NHP2: variants seen among roughly 807,000 people sequenced by gnomAD.
The protein encoded by NHP2 is H/ACA ribonucleoprotein complex subunit 2.
Under a neutral mutation model 16.7 loss-of-function variants are expected in NHP2, and 10 were observed. The observed-to-expected ratio is 0.60, with a 90% CI of 0.37 to 1.01. The LOEUF (loss-of-function observed/expected upper bound fraction) is 1.01, where lower values mean the gene tolerates loss of function less well. Among genes scored for constraint, NHP2 ranks in the 50% least tolerant of loss-of-function variants. NHP2 has a pLI of 0.01. For synonymous variants in NHP2, 87 were observed against 78.9 expected, an observed-to-expected ratio of 1.10 and a Z score of -0.54; for missense variants, 184 against 198.3, an observed-to-expected ratio of 0.93 and a Z score of 0.43.
At chr5:178,151,660 C>G (rs1029315760) in intron 2 of NHP2, among the ~76,000 whole-genome samples, 2 of 152,148 alleles carry the variant, frequency 1.3e-5, no homozygotes, top group African/African-American at 4.8e-5. Flanking sequence ...TTCTGTTAAG[C>G]GCCTTTCACT....
Position 178,149,636 on chromosome 5 carries a change from G to A in NHP2, c.*77C>T. 6.3e-7 allele frequency: 1 copy of A among 1,594,844 alleles called. No individual in the cohort carries two copies. On this transcript the variant is annotated 3_prime_UTR_variant, in exon 4 of 4. Coordinates refer to ENST00000274606, the MANE Select transcript of NHP2 (RefSeq NM_017838.4). ...TGGGAAGATGCCGTCAGTGTGGGTG[G>A]GCAGGAGGACAGCCAGTCGTCCTGC...
At chr5:178,151,324 G>C (rs1266371957) in intron 2 of NHP2, among the ~76,000 whole-genome samples, 1 of 152,110 alleles carries the variant, frequency 6.6e-6, no homozygotes. Flanking sequence ...GCGGGGGAGA[G>C]CATGTGGTGT....
Position 178,149,509 on chromosome 5 carries a change from C to G in NHP2, c.*204G>C. 1.7e-6 allele frequency: 1 copy of G among 597,738 alleles called. No homozygotes were observed. The highest frequency in any genetic ancestry group is 3.0e-6 in the Non-Finnish European group (1 of 335,184). The allele number at this position is 597,738 out of a possible 1,614,324, so 37.0% of individuals were successfully genotyped here. A position where few individuals can be genotyped will look rare whatever the true frequency, so the allele number is the denominator to read the frequency against. ...TCCCCACCCCACATTCTTGGAACAG[C>G]CTTTAGTTCTACAGGAAATGGCACT... is the stretch of plus-strand genomic sequence containing the variant. On this transcript the variant is annotated 3_prime_UTR_variant, in exon 4 of 4. Coordinates refer to ENST00000274606, the MANE Select transcript of NHP2 (RefSeq NM_017838.4).
intron 3 of NHP2, chr5:178,150,490 C>A (rs983735312): frequency 1.9e-5 from 7 of 360,006 alleles, no homozygotes; most frequent in African/African-American, 1.5e-4. Context: ...AAGTGATCTC[C>A]TGCTTTAGCC....
intron 2 of NHP2, 56 bp downstream of exon 2, chr5:178,153,435 G>C: frequency 6.4e-7 from 1 of 1,574,638 alleles, no homozygotes. Flanking sequence ...CTACTAAGTA[G>C]AGATTTCTCC....
rs377450193 is a variant in NHP2, at chr5:178,153,758, C to G, written c.60G>C (p.Gly20=). The stretch of plus-strand genomic sequence containing the variant: ...CCAGCAGCTCCTGGTAGGTGCGCTC[C>G]CCGGAACACGCCTCCGCCTGAGCCT... ...GPEAQAEACS[G]ERTYQELLVN... The change falls in exon 1 of 4, where the codon GGG becomes GGC. Residue 20 remains glycine (G), a synonymous_variant. Transcript: ENST00000274606. 1.3e-5 allele frequency: 21 copies of G among 1,613,194 alleles called. No individual in the cohort carries two copies. The highest frequency in any genetic ancestry group is 6.6e-5 in the South Asian group (6 of 91,030).
chr5:178,150,897 G>T lies in NHP2; in HGVS notation c.327C>A (p.Pro109=), dbSNP rs747903835. 6.2e-7 allele frequency: 1 copy of T among 1,611,008 alleles called. No homozygotes were observed. The highest frequency in any genetic ancestry group is 1.3e-5 in the African/African-American group (1 of 74,872). Residue 109 remains proline (P), a synonymous_variant, in exon 3 of 4, where the codon CCC becomes CCA. Transcript: ENST00000274606. The part of the protein sequence containing the change: ...EDRNLPYVYI[P]SKTDLGAAAG... ...GCCACGTGCTCCTTACCGTCTTAGA[G>T]GGGATATAGACATAGGGCAAATTTC...
At chr5:178,151,482 C>T (rs529402279) in intron 2 of NHP2, among the ~76,000 whole-genome samples, 1 of 152,210 alleles carries the variant, frequency 6.6e-6, no homozygotes, top group African/African-American at 2.4e-5. Context: ...GGGTTCCTAG[C>T]TGGCCAGGTG....
intron 2 of NHP2, among the ~76,000 whole-genome samples, 160 bp from the exon 3 acceptor site, chr5:178,151,153 C>T (rs1756269023): frequency 6.6e-6 from 1 of 152,134 alleles, no homozygotes. Flanking sequence ...CAGGTGCCAC[C>T]AAAGTGATGT....
intron 3 of NHP2, chr5:178,150,610 T>C: frequency 1.7e-6 from 1 of 589,082 alleles, no homozygotes; most frequent in Non-Finnish European, 3.2e-6. Context: ...CCTGAACTCC[T>C]GTCCTCAACT....
chr5:178,149,637 G>A lies in NHP2; in HGVS notation c.*76C>T. Reference sequence around the variant, plus strand: ...GGGAAGATGCCGTCAGTGTGGGTGGGCAGGAGGACAGCCAGTCGTCCTGCT... The same window carrying A: ...GGGAAGATGCCGTCAGTGTGGGTGGACAGGAGGACAGCCAGTCGTCCTGCT... On this transcript the variant is annotated 3_prime_UTR_variant, in exon 4 of 4. Coordinates refer to ENST00000274606, the MANE Select transcript of NHP2 (RefSeq NM_017838.4). 7 of 1,596,970 alleles carry A rather than the reference G, an allele frequency of 4.4e-6. No individual in the cohort carries two copies. The highest frequency in any genetic ancestry group is 5.1e-6 in the Non-Finnish European group (6 of 1,169,408).
rs566614440 is a variant in NHP2 at position 178,153,721 on chromosome 5, G to A, written c.97C>T (p.Pro33Ser). The A allele has an allele frequency of 1.2e-6, 2 of 1,613,992 alleles. No individual in the cohort carries two copies. Among genetic ancestry groups the A allele is most frequent in the East Asian group, 4.5e-5 (2 of 44,886 alleles). Residue 33 changes from proline to serine, a missense_variant, in exon 1 of 4, where the codon CCC becomes TCC. By Grantham distance (74) the Pro-to-Ser change is moderately conservative. Coordinates refer to ENST00000274606, the MANE Select transcript of NHP2 (RefSeq NM_017838.4). ...TYQELLVNQN[P>S]IAQPLASRRL... is the part of the protein sequence containing the mutation. ...CGAGAAGCCAGGGGCTGCGCGATGGGGTTCTGGTTGACCAGCAGCTCCTGG... is the reference window on the plus strand; with the variant it reads ...CGAGAAGCCAGGGGCTGCGCGATGGAGTTCTGGTTGACCAGCAGCTCCTGG...
At chr5:178,150,813 C>T in intron 3 of NHP2, 75 bp downstream of exon 3, 1 of 972,232 alleles carries the variant, frequency 1.0e-6, no homozygotes, top group South Asian at 1.3e-5. Context: ...GGCTCTTTCC[C>T]ACACTCTCCT....
intron 3 of NHP2, 32 bp downstream of exon 3, chr5:178,150,856 T>C: frequency 7.1e-7 from 1 of 1,410,994 alleles, no homozygotes; most frequent in Non-Finnish European, 1.0e-6. Flanking sequence ...ACCCCAGTGC[T>C]GAGCAAGGTC....
At chr5:178,152,049 C>T (rs1459813150) in intron 2 of NHP2, among the ~76,000 whole-genome samples, 3 of 152,132 alleles carry the variant, frequency 2.0e-5, no homozygotes, top group African/African-American at 7.2e-5. Context: ...CCATTCTCCA[C>T]ATCTGAAAGT....
chr5:178,152,228 C>T (rs1225835193), intron 2 of NHP2, among the ~76,000 whole-genome samples: 2 of 152,154 alleles, frequency 1.3e-5, no homozygotes, highest in Non-Finnish European at 2.9e-5. Flanking sequence ...CACTTCCTGG[C>T]TTTAACCCCT....
Position 178,153,814 on chromosome 5 carries a change from T to A in NHP2, c.4A>T (p.Thr2Ser). Residue 2 changes from threonine (T) to serine (S), a missense_variant, in exon 1 of 4, where the codon ACC becomes TCC. Transcript: ENST00000274606. Reference sequence around the variant, plus strand: ...CCGTCGGGATCTGCCTTTATTTTGGTCATCGCAGCGGCCGCTGAAACCTAG... The same window carrying A: ...CCGTCGGGATCTGCCTTTATTTTGGACATCGCAGCGGCCGCTGAAACCTAG... MTKIKADPDGPE... is the reference protein window; with the variant it reads MSKIKADPDGPE... The A allele has an allele frequency of 1.2e-6, 2 of 1,607,358 alleles. No individual in the cohort carries two copies. Among genetic ancestry groups the A allele is most frequent in the South Asian group, 2.2e-5 (2 of 90,348 alleles).
At chr5:178,151,312 G>A (rs1032755394) in intron 2 of NHP2, among the ~76,000 whole-genome samples, 1 of 152,206 alleles carries the variant, frequency 6.6e-6, no homozygotes, top group African/African-American at 2.4e-5. Flanking sequence ...GGAGGGGCTG[G>A]GGCGGGGGAG....
chr5:178,153,842 C>A lies in NHP2; in HGVS notation c.-25G>T. 2 of 1,595,958 alleles carry A rather than the reference C, an allele frequency of 1.3e-6. No individual in the cohort carries two copies. Among genetic ancestry groups the A allele is most frequent in the Non-Finnish European group, 1.7e-6 (2 of 1,171,614 alleles). On this transcript the variant is annotated 5_prime_UTR_variant, in exon 1 of 4. Coordinates refer to ENST00000274606, the MANE Select transcript of NHP2 (RefSeq NM_017838.4). ...TCGCAGCGGCCGCTGAAACCTAGTC[C>A]CAGGGAGGCGAGCCCACGCGGTCCA...
Sources: allele counts gnomAD v4.1 joint callset (sites outside exome capture counted in the v4.1 genomes callset), GRCh38; gene constraint gnomAD v4.1.1; transcripts MANE v1.5; gene names NCBI Gene and HGNC (gene_info 2026-07-23, HGNC 2026-07-21).